LRRC37A2: variants seen among roughly 807,000 people sequenced by gnomAD.
The protein encoded by LRRC37A2 is leucine rich repeat containing 37 member A2.
In LRRC37A2, 9 loss-of-function variants were observed where a neutral mutation model predicts 68.8. The ratio of observed to expected loss-of-function variants is 0.13; its 90% confidence interval spans 0.08 to 0.23. LRRC37A2 has a LOEUF of 0.23. LRRC37A2 is among the 10% of genes least tolerant of loss of function. The pLI, the probability that LRRC37A2 is intolerant of heterozygous loss-of-function variation, is 1.00. For synonymous variants in LRRC37A2, 63 were observed against 367.6 expected (o/e 0.17, Z 9.48); for missense variants, 168 against 950.4 (o/e 0.18, Z 10.82).
the LRRC37A2 span, among the ~76,000 whole-genome samples, chr17:46,889,853 C>A: frequency 6.6e-5 from 10 of 152,318 alleles, no homozygotes; most frequent in South Asian, 2.1e-3. Context: ...CGATGGACCT[C>A]TCTGTGACTT....
At chr17:46,930,058 T>C in the LRRC37A2 span, 1 of 156,836 alleles carries the variant, frequency 6.4e-6, no homozygotes, top group Admixed American at 6.1e-5. Flanking sequence ...TTTTTTTTTT[T>C]TTTTTCTATT....
the LRRC37A2 span, among the ~76,000 whole-genome samples, chr17:46,678,792 A>C: frequency 7.7e-6 from 1 of 130,414 alleles, no homozygotes; most frequent in East Asian, 2.1e-4. Context: ...ATAAGCAACA[A>C]CTAGCTAGTA....
chr17:46,946,515 A>G, the LRRC37A2 span, among the ~76,000 whole-genome samples: 1 of 152,136 alleles, frequency 6.6e-6, no homozygotes, highest in East Asian at 1.9e-4. Context: ...GTGGAAAAAA[A>G]AAAAAGAAAT....
the LRRC37A2 span, among the ~76,000 whole-genome samples, chr17:47,023,424 C>A: frequency 6.6e-6 from 1 of 152,174 alleles, no homozygotes; most frequent in Non-Finnish European, 1.5e-5. Context: ...CGGTGGCTCA[C>A]GCCTTTAATC....
At chr17:47,002,382 ATT>A in the LRRC37A2 span, among the ~76,000 whole-genome samples, 7 of 69,280 alleles carry the variant, frequency 1.0e-4, no homozygotes, top group Admixed American at 5.7e-4. Context: ...AATTATTTTT[ATT>A]TTTATTTTTT....
the LRRC37A2 span, among the ~76,000 whole-genome samples, chr17:46,725,322 C>G: frequency 1.3e-5 from 2 of 152,054 alleles, no homozygotes; most frequent in African/African-American, 4.8e-5. Flanking sequence ...AGTGGGGAGA[C>G]AGATAGCTTA....
chr17:46,819,744 C>T, the LRRC37A2 span, among the ~76,000 whole-genome samples: 3 of 152,242 alleles, frequency 2.0e-5, no homozygotes, highest in Admixed American at 6.5e-5. This position sits in a 1 kb window ranked among gnomAD's most constrained non-coding sequence, Gnocchi z 5.3. Flanking sequence ...CAGTTACCCA[C>T]CCCTCCCCAC....
intron 11 of LRRC37A2, among the ~76,000 whole-genome samples, chr17:46,551,189 AGCTT>A (rs923357293): frequency 6.7e-6 from 1 of 149,162 alleles, no homozygotes; most frequent in African/African-American, 2.6e-5. Flanking sequence ...AGAGATGCTC[AGCTT>A]GCATCAACTT....
At chr17:46,967,459 C>T in the LRRC37A2 span, among the ~76,000 whole-genome samples, 2 of 152,292 alleles carry the variant, frequency 1.3e-5, no homozygotes, top group African/African-American at 4.8e-5. Flanking sequence ...GATTATAATT[C>T]TGTTTCATGG....
At chr17:46,949,798 C>T in the LRRC37A2 span, among the ~76,000 whole-genome samples, 1 of 152,138 alleles carries the variant, frequency 6.6e-6, no homozygotes, top group Admixed American at 6.5e-5. Flanking sequence ...CAGAGGGAGT[C>T]ATCTAGCAAA....
chr17:46,817,016 C>T, the LRRC37A2 span, among the ~76,000 whole-genome samples: 4 of 152,192 alleles, frequency 2.6e-5, no homozygotes, highest in African/African-American at 9.7e-5. Flanking sequence ...TTAGCCCAGC[C>T]CCCCGGAAAA....
At chr17:46,935,710 C>T in the LRRC37A2 span, 7 of 988,728 alleles carry the variant, frequency 7.1e-6, no homozygotes, top group Admixed American at 1.2e-4. Flanking sequence ...GTGATCCCAG[C>T]GACTCTTCAC....
chr17:46,833,469 A>T, the LRRC37A2 span: 1 of 489,292 alleles, frequency 2.0e-6, no homozygotes, highest in Non-Finnish European at 4.1e-6. Flanking sequence ...GGGACAGCCA[A>T]CCCACCCCGA....
the LRRC37A2 span, among the ~76,000 whole-genome samples, chr17:46,945,348 G>A: frequency 6.6e-6 from 1 of 152,182 alleles, no homozygotes; most frequent in Non-Finnish European, 1.5e-5. Flanking sequence ...TGTCAGGCTG[G>A]TGTGGGTGTG....
chr17:46,852,323 C>A, the LRRC37A2 span, among the ~76,000 whole-genome samples: 3 of 151,676 alleles, frequency 2.0e-5, no homozygotes, highest in African/African-American at 7.3e-5. Flanking sequence ...TGGGGAAATG[C>A]GACCACATCT....
At chr17:46,888,582 T>C in the LRRC37A2 span, among the ~76,000 whole-genome samples, 1 of 152,082 alleles carries the variant, frequency 6.6e-6, no homozygotes, top group East Asian at 1.9e-4. Context: ...AGAAAGAAGT[T>C]TGAAGCTCAG....
At chr17:46,913,249 G>A in the LRRC37A2 span, among the ~76,000 whole-genome samples, 9 of 152,210 alleles carry the variant, frequency 5.9e-5, no homozygotes, top group Admixed American at 2.0e-4. Flanking sequence ...TTAATGAAAC[G>A]GAGTCCATTT....
At chr17:46,601,918 T>C in the LRRC37A2 span, among the ~76,000 whole-genome samples, 1 of 144,550 alleles carries the variant, frequency 6.9e-6, no homozygotes, top group Non-Finnish European at 1.5e-5. Context: ...GCATGGTGGC[T>C]CACACCTGTA....
At chr17:46,782,910 G>A in the LRRC37A2 span, among the ~76,000 whole-genome samples, 1 of 152,226 alleles carries the variant, frequency 6.6e-6, no homozygotes, top group African/African-American at 2.4e-5. Context: ...TTTCAGTGCA[G>A]GGCCAAGGGT....
Sources: gnomAD v4.1 joint callset for allele counts (sites outside exome capture counted in the v4.1 genomes callset) on GRCh38, gnomAD v4.1.1 for gene constraint, Gnocchi (gnomAD v3.1) non-coding constraint, MANE v1.5 for transcripts, NCBI Gene and HGNC (gene_info 2026-07-23, HGNC 2026-07-21) for gene names.